CDH4: variants seen among roughly 807,000 people sequenced by gnomAD.
The protein encoded by CDH4 is cadherin 4.
CDH4 carries 33 observed loss-of-function variants against 86.0 expected under a neutral mutation model. The ratio of observed to expected loss-of-function variants is 0.38; its 90% CI spans 0.29 to 0.51. The LOEUF is 0.51. Ranked by LOEUF, CDH4 falls within the 20% of genes least tolerant of loss-of-function variation. CDH4 has a pLI of 0.86. For missense variants in CDH4, 1,114 were observed against 1,307.4 expected, an observed-to-expected ratio of 0.85 and a Z score of 2.28; for synonymous variants, 555 against 549.4, an observed-to-expected ratio of 1.01 and a Z score of -0.14.
At chr20:61,633,824 GCA>G (rs752622221) in intron 2 of CDH4, among the ~76,000 whole-genome samples, 3 of 152,170 alleles carry the variant, frequency 2.0e-5, no homozygotes, top group Non-Finnish European at 2.9e-5. Flanking sequence ...CAGTTAATGT[GCA>G]CTGAGTGCCA....
intron 4 of CDH4, among the ~76,000 whole-genome samples, chr20:61,839,826 GTC>G (rs1600701910): frequency 1.3e-5 from 2 of 151,726 alleles, no homozygotes; most frequent in East Asian, 1.9e-4. Flanking sequence ...TGTGTTGTGT[GTC>G]TGTGTGTAGG....
chr20:61,842,452 G>T (rs890041781), intron 4 of CDH4, among the ~76,000 whole-genome samples: 1 of 152,200 alleles, frequency 6.6e-6, no homozygotes, highest in South Asian at 2.1e-4. Context: ...ATTCCAGAGC[G>T]AGCTGACCTG....
rs1021577693 is a variant in CDH4, at chr20:61,811,904, G to C, written c.577-32764G>C. Among the ~76,000 whole-genome samples the C allele has an allele frequency of 6.6e-6, 1 of 151,936 alleles. No homozygotes were observed. The highest frequency in any genetic ancestry group is 2.4e-5 in the African/African-American group (1 of 41,424). On this transcript the variant is annotated intron_variant, in intron 4 of 15. Coordinates refer to ENST00000614565, the MANE Select transcript of CDH4 (RefSeq NM_001794.5). This position sits in a 1 kb window ranked among gnomAD's most constrained non-coding sequence, Gnocchi z 4.4. ...CCAGGCTGGTCTCGAACTCCTGACC[G>C]CAGGTGATCCACCTACCTCGGCCTC...
chr20:61,346,155 A>G (rs6028133), intron 2 of CDH4, among the ~76,000 whole-genome samples: 30,132 of 152,126 alleles, frequency 0.2, 2,986 homozygotes, highest in Middle Eastern at 0.35. Flanking sequence ...AGTCTCTCTC[A>G]GGGTGAGGTG....
At chr20:61,692,800 G>T (rs911372368) in intron 2 of CDH4, among the ~76,000 whole-genome samples, 8 of 151,166 alleles carry the variant, frequency 5.3e-5, no homozygotes, top group Admixed American at 4.6e-4. Flanking sequence ...TTAATACTCT[G>T]TTTTCTACTA....
At chr20:61,913,496 C>T (rs1391312656) in intron 9 of CDH4, among the ~76,000 whole-genome samples, 3 of 152,208 alleles carry the variant, frequency 2.0e-5, no homozygotes, top group Non-Finnish European at 4.4e-5. Flanking sequence ...AGCAGGCCCA[C>T]GGAGCCCCTT....
chr20:61,311,096 C>T (rs6028103), intron 2 of CDH4, among the ~76,000 whole-genome samples: 111,598 of 152,020 alleles, frequency 0.73, 42,115 homozygotes, highest in Non-Finnish European at 0.82. Context: ...TACAGTGAAG[C>T]GAACCTCCGG....
At chr20:61,409,709 T>C (rs1290160881) in intron 2 of CDH4, among the ~76,000 whole-genome samples, 1 of 152,290 alleles carries the variant, frequency 6.6e-6, no homozygotes, top group African/African-American at 2.4e-5. Context: ...TCTTCTACAC[T>C]GCACTTTCCT....
At position 61,263,312 on chromosome 20, in the gene CDH4, G is replaced by A. The variant is rs909754856; in HGVS notation, c.169+8375G>A. 7.2e-4 allele frequency among the ~76,000 whole-genome samples: 109 copies of A among 152,246 alleles called. 1 individual carries two copies. The highest frequency in any genetic ancestry group is 2.5e-3 in the African/African-American group (105 of 41,536). On this transcript the variant is annotated intron_variant, in intron 2 of 15. Coordinates refer to ENST00000614565, the MANE Select transcript of CDH4 (RefSeq NM_001794.5). ...CTGGTGGCCTCCGGTATTGTCTCTG[G>A]CTGGTGTCTGCTTTCAGTTCTTAAA...
chr20:61,657,555 A>C (rs1158005701), intron 2 of CDH4, among the ~76,000 whole-genome samples: 1 of 152,198 alleles, frequency 6.6e-6, no homozygotes, highest in Non-Finnish European at 1.5e-5. Context: ...CCAATTCCCC[A>C]GATGGGGAAA....
intron 2 of CDH4, among the ~76,000 whole-genome samples, chr20:61,353,070 G>A (rs556570341): frequency 7.0e-4 from 107 of 152,222 alleles, no homozygotes; most frequent in African/African-American, 2.4e-3. Flanking sequence ...TTTCTGACCC[G>A]CCACAGGGGC....
chr20:61,399,569 C>T (rs1259484623), intron 2 of CDH4, among the ~76,000 whole-genome samples: 8 of 152,188 alleles, frequency 5.3e-5, no homozygotes, highest in African/African-American at 1.9e-4. Flanking sequence ...GCCTTTGCAC[C>T]CCCTCTGCCC....
chr20:61,567,548 A>G (rs1173594001), intron 2 of CDH4, among the ~76,000 whole-genome samples: 2 of 152,208 alleles, frequency 1.3e-5, no homozygotes, highest in Admixed American at 6.5e-5. Flanking sequence ...TCCTGACATC[A>G]TCACCTTGGG....
intron 5 of CDH4, among the ~76,000 whole-genome samples, chr20:61,847,782 G>A (rs1243670049): frequency 6.6e-6 from 1 of 152,076 alleles, no homozygotes; most frequent in Non-Finnish European, 1.5e-5. Context: ...CGTGGCAGGA[G>A]TGAGAGAGAG....
At chr20:61,361,091 A>G (rs989954151) in intron 2 of CDH4, among the ~76,000 whole-genome samples, 3 of 152,136 alleles carry the variant, frequency 2.0e-5, no homozygotes, top group Non-Finnish European at 2.9e-5. Context: ...CTGGCGTCAT[A>G]GAGTTGGGAA....
intron 2 of CDH4, among the ~76,000 whole-genome samples, chr20:61,351,050 A>G (rs6028146): frequency 0.76 from 115,736 of 152,004 alleles, 45,032 homozygotes; most frequent in African/African-American, 0.94. Context: ...GGTGGGGGCA[A>G]TGCCTTGGGT....
chr20:61,596,333 G>T (rs748516786), intron 2 of CDH4, among the ~76,000 whole-genome samples: 1 of 152,174 alleles, frequency 6.6e-6, no homozygotes, highest in Non-Finnish European at 1.5e-5. Flanking sequence ...CCAGGGCATG[G>T]ACTGGCTCAC....
At chr20:61,919,069 C>T (rs1462874305) in intron 9 of CDH4, among the ~76,000 whole-genome samples, 3 of 152,324 alleles carry the variant, frequency 2.0e-5, no homozygotes, top group South Asian at 2.1e-4. Flanking sequence ...CAGCATCTCA[C>T]TATGTTGACC....
At chr20:61,333,672 C>A (rs543470614) in intron 2 of CDH4, among the ~76,000 whole-genome samples, 4 of 152,374 alleles carry the variant, frequency 2.6e-5, no homozygotes, top group African/African-American at 9.6e-5. Context: ...GAGCTGCCTT[C>A]CCTTTACCAA....
Sources: gnomAD v4.1 joint callset for allele counts (sites outside exome capture counted in the v4.1 genomes callset) on GRCh38, gnomAD v4.1.1 for gene constraint, Gnocchi (gnomAD v3.1) non-coding constraint, MANE v1.5 for transcripts, NCBI Gene and HGNC (gene_info 2026-07-23, HGNC 2026-07-21) for gene names.